Variants in TSPEAR observed in about 807,000 individuals in gnomAD.
TSPEAR encodes thrombospondin type laminin G domain and EAR repeats, also known as thrombospondin-type laminin G domain and EAR repeat-containing protein.
In TSPEAR, 69 loss-of-function variants were observed where a neutral mutation model predicts 71.6. The observed-to-expected ratio is 0.96, with a 90% CI of 0.79 to 1.18. The LOEUF is 1.18. TSPEAR is among the 50% of genes most tolerant of loss of function. The pLI is 0.00. For synonymous variants in TSPEAR, 402 were observed against 387.2 expected, an observed-to-expected ratio of 1.04 and a Z score of -0.45; for missense variants, 971 against 894.9, an observed-to-expected ratio of 1.09 and a Z score of -1.09.
intron 11 of TSPEAR, among the ~76,000 whole-genome samples, chr21:44,503,765 G>T (rs1299791857): frequency 3.1e-5 from 4 of 131,024 alleles, no homozygotes; most frequent in South Asian, 2.5e-4. Flanking sequence ...TGAGCCCTCG[G>T]GGGGAAGCAA....
chr21:44,505,583 C>CCCCG lies in TSPEAR; in HGVS notation c.1755-703_1755-702insCGGG, dbSNP rs2052178134. ...CCTCCCCCCTCCCCCCCCCCCCCCC[C>CCCCG]CCAGCCCCGGCACCCACCACGCCAC... On this transcript the variant is annotated intron_variant, in intron 10 of 11. Coordinates refer to ENST00000323084, the MANE Select transcript of TSPEAR (RefSeq NM_144991.3). 3.0e-5 allele frequency among the ~76,000 whole-genome samples: 2 copies of CCCCG among 66,740 alleles called. 1 individual carries two copies. The highest frequency in any genetic ancestry group is 8.2e-5 in the Non-Finnish European group (2 of 24,438). 43.8% of individuals were successfully genotyped at this position (66,740 alleles called of 152,430 possible).
At chr21:44,518,221 GTTTC>G (rs2052645613) in intron 9 of TSPEAR, 1 of 432,344 alleles carries the variant, frequency 2.3e-6, no homozygotes, top group Admixed American at 3.2e-5. Flanking sequence ...AGCTAGCTCA[GTTTC>G]TTTCAGCCTT....
intron 1 of TSPEAR, chr21:44,575,083 G>A (rs991920451): frequency 2.1e-5 from 30 of 1,443,780 alleles, no homozygotes; most frequent in East Asian, 9.4e-5. Context: ...GCTGATAGTC[G>A]CGTCCTGAAT....
chr21:44,524,659 C>T (rs1305420681), intron 8 of TSPEAR, among the ~76,000 whole-genome samples: 5 of 150,066 alleles, frequency 3.3e-5, no homozygotes, highest in African/African-American at 1.3e-4. Flanking sequence ...GGTAGTTAGT[C>T]ATCAGTTAGT....
rs1988151686 is a variant in TSPEAR, at chr21:44,710,314, T to C, written c.82+1119A>G. Among the ~76,000 whole-genome samples, 1 of 152,114 alleles carries C rather than the reference T, an allele frequency of 6.6e-6. No individual in the cohort carries two copies. ...CCTGTCCCCAACACCCAGGCAGTAATGGTTCCAGCACGGAAGGTCTACCTA... is the reference window on the plus strand; with the variant it reads ...CCTGTCCCCAACACCCAGGCAGTAACGGTTCCAGCACGGAAGGTCTACCTA... On this transcript the variant is annotated intron_variant, in intron 1 of 11. Transcript: ENST00000323084. The surrounding 1 kb of genome is among the most constrained non-coding windows in gnomAD (Gnocchi z 4.6).
In TSPEAR at chr21:44,535,671, A is replaced by G. The variant is rs587773728; in HGVS notation, c.304-1748T>C. 1.3e-3 allele frequency among the ~76,000 whole-genome samples: 196 copies of G among 152,196 alleles called. 1 individual carries two copies. Among genetic ancestry groups the G allele is most frequent in the African/African-American group, 4.6e-3 (189 of 41,512 alleles). On this transcript the variant is annotated intron_variant, in intron 2 of 11. Transcript: ENST00000323084. ...AACCTCTGCCTCCCAGGTTCAAGCAATTTTCCTGACTCAGCCTCCAAAGTA... is the reference window on the plus strand; with the variant it reads ...AACCTCTGCCTCCCAGGTTCAAGCAGTTTTCCTGACTCAGCCTCCAAAGTA...
intron 1 of TSPEAR, among the ~76,000 whole-genome samples, chr21:44,674,891 AC>A (rs1348671841): frequency 6.6e-6 from 1 of 151,684 alleles, no homozygotes; most frequent in African/African-American, 2.4e-5. Flanking sequence ...AAAAAAGAAA[AC>A]CTGAATAGAC....
rs450625 is a variant in TSPEAR, at chr21:44,628,315, C to T, written c.83-60310G>A. On this transcript the variant is annotated intron_variant, in intron 1 of 11. Transcript: ENST00000323084. ...TGGTTGGGGACGGGCCCTCCTGACC[C>T]GGGTCTCACCCCCAGCAGCGTCACC... 5.0e-5 allele frequency: 19 copies of T among 379,882 alleles called. 1 individual carries two copies. The highest frequency in any genetic ancestry group is 6.3e-5 in the South Asian group (2 of 31,738). 23.5% of individuals were successfully genotyped at this position (379,882 alleles called of 1,614,324 possible). A position where few individuals can be genotyped will look rare whatever the true frequency, so the allele number is the denominator to read the frequency against.
Position 44,612,729 on chromosome 21 carries a change from C to T in TSPEAR, c.83-44724G>A, listed in dbSNP as rs1555931470. ...TGCTGCAGACCCTCCTCCTCCGTGT[C>T]CCTCCTCTGCCGCCCTGTGTGCCGG... On this transcript the variant is annotated intron_variant, in intron 1 of 11. Transcript: ENST00000323084. This position sits in a 1 kb window ranked among gnomAD's most constrained non-coding sequence, Gnocchi z 4.1. 1.2e-6 allele frequency: 2 copies of T among 1,613,864 alleles called. No homozygotes were observed. The highest frequency in any genetic ancestry group is 1.7e-5 in the Admixed American group (1 of 60,018).
rs1988198421 is a variant in TSPEAR, at chr21:44,711,147, T to C, written c.82+286A>G. Among the ~76,000 whole-genome samples the C allele has an allele frequency of 6.6e-6, 1 of 152,180 alleles. No homozygotes were observed. The highest frequency in any genetic ancestry group is 2.4e-5 in the African/African-American group (1 of 41,436). On this transcript the variant is annotated intron_variant, in intron 1 of 11. Transcript: ENST00000323084. This position sits in a 1 kb window ranked among gnomAD's most constrained non-coding sequence, Gnocchi z 4.5. ...GGGAGGCCCAGCAGGTAAGCACTTGTGGAGGCCCCGGTGGCTGCTGGTTAG... is the reference window on the plus strand; with the variant it reads ...GGGAGGCCCAGCAGGTAAGCACTTGCGGAGGCCCCGGTGGCTGCTGGTTAG...
intron 1 of TSPEAR, among the ~76,000 whole-genome samples, chr21:44,600,123 A>G (rs1289868340): frequency 6.6e-6 from 1 of 152,064 alleles, no homozygotes; most frequent in Non-Finnish European, 1.5e-5. Flanking sequence ...GTGGGGAGTC[A>G]CTTCTAGGAA....
intron 1 of TSPEAR, chr21:44,638,102 C>T (rs1555937596): frequency 6.2e-7 from 1 of 1,613,508 alleles, no homozygotes; most frequent in Non-Finnish European, 8.5e-7. Flanking sequence ...CTGTGTTTCC[C>T]TCCTCTGCCG....
At chr21:44,607,076 C>A (rs8128338) in intron 1 of TSPEAR, among the ~76,000 whole-genome samples, 12,448 of 152,096 alleles carry the variant, frequency 0.082, 1,575 homozygotes, top group African/African-American at 0.27. Context: ...AACTTGATTT[C>A]ATCTTTTTTG....
At chr21:44,579,635 A>AGGG in intron 1 of TSPEAR, 2 of 1,162,336 alleles carry the variant, frequency 1.7e-6, no homozygotes, top group African/African-American at 3.2e-5. Flanking sequence ...GGGAGTATGG[A>AGGG]GGGGGGGGTC....
intron 2 of TSPEAR, among the ~76,000 whole-genome samples, chr21:44,535,634 G>C (rs1475803047): frequency 6.6e-6 from 1 of 152,146 alleles, no homozygotes; most frequent in Non-Finnish European, 1.5e-5. Flanking sequence ...GCTGGAAGTA[G>C]CTGCTCACTG....
At chr21:44,608,844 G>A (rs1981478045) in intron 1 of TSPEAR, among the ~76,000 whole-genome samples, 1 of 152,208 alleles carries the variant, frequency 6.6e-6, no homozygotes, top group Admixed American at 6.5e-5. Flanking sequence ...GCCTATCTAT[G>A]ACCAAGCAAT....
intron 1 of TSPEAR, among the ~76,000 whole-genome samples, chr21:44,683,990 A>G (rs971651227): frequency 2.6e-5 from 4 of 152,240 alleles, no homozygotes; most frequent in Non-Finnish European, 4.4e-5. Context: ...AAATCCAGGA[A>G]TCTCAGAAAG....
chr21:44,621,401 T>C (rs587758235), intron 1 of TSPEAR, among the ~76,000 whole-genome samples: 6 of 152,228 alleles, frequency 3.9e-5, no homozygotes, highest in African/African-American at 1.4e-4. Flanking sequence ...ATCTTATTGA[T>C]GGATGGACAT....
intron 1 of TSPEAR, among the ~76,000 whole-genome samples, chr21:44,581,104 C>A (rs1342597232): frequency 2.6e-5 from 4 of 152,170 alleles, no homozygotes; most frequent in Admixed American, 6.5e-5. Context: ...CTCTCTTCAA[C>A]CCCTTGTGCC....
Sources: gnomAD v4.1 joint callset for allele counts (sites outside exome capture counted in the v4.1 genomes callset) on GRCh38, gnomAD v4.1.1 for gene constraint, Gnocchi (gnomAD v3.1) non-coding constraint, MANE v1.5 for transcripts, NCBI Gene and HGNC (gene_info 2026-07-23, HGNC 2026-07-21) for gene names.